Variants in RBFOX1 observed in about 807,000 individuals in gnomAD.
RBFOX1 encodes the protein RNA binding protein fox-1 homolog 1.
In RBFOX1, 8 loss-of-function variants were observed where a neutral mutation model predicts 57.7. That is an observed-to-expected ratio of 0.14 (90% CI 0.08 to 0.25). The LOEUF is 0.25. RBFOX1 is among the 10% of genes least tolerant of loss of function. The pLI is 1.00. For synonymous variants in RBFOX1, 326 were observed against 222.4 expected, an observed-to-expected ratio of 1.47 and a Z score of -4.15; for missense variants, 611 against 548.5, an observed-to-expected ratio of 1.11 and a Z score of -1.14.
At chr16:7,649,208 A>T (rs2064409805) in intron 11 of RBFOX1, among the ~76,000 whole-genome samples, 2 of 152,190 alleles carry the variant, frequency 1.3e-5, no homozygotes, top group African/African-American at 4.8e-5. Context: ...ATACTTGTTT[A>T]TATAGGATAA....
chr16:5,644,928 A>G (rs901718716), intron 3 of RBFOX1, among the ~76,000 whole-genome samples: 2 of 152,158 alleles, frequency 1.3e-5, no homozygotes, highest in Non-Finnish European at 2.9e-5. Flanking sequence ...ACGCTCGCAC[A>G]TGCCATGGCA....
chr16:7,254,967 A>T (rs891889187), intron 4 of RBFOX1, among the ~76,000 whole-genome samples: 9 of 152,156 alleles, frequency 5.9e-5, no homozygotes, highest in African/African-American at 2.2e-4. Flanking sequence ...GTTAATAAGA[A>T]GGTGTTTTCC....
intron 5 of RBFOX1, among the ~76,000 whole-genome samples, chr16:7,577,863 C>G (rs987937537): frequency 6.6e-6 from 1 of 152,200 alleles, no homozygotes; most frequent in Non-Finnish European, 1.5e-5. Context: ...CCATGGCATT[C>G]CAGCCTGAGT....
intron 3 of RBFOX1, among the ~76,000 whole-genome samples, chr16:6,658,363 C>A (rs2098675886): frequency 6.6e-6 from 1 of 151,886 alleles, no homozygotes; most frequent in Non-Finnish European, 1.5e-5. Context: ...GCCTCAGCCT[C>A]CTGCCTGGCT....
chr16:6,907,508 C>G (rs529071389), intron 3 of RBFOX1, among the ~76,000 whole-genome samples: 277 of 152,272 alleles, frequency 1.8e-3, no homozygotes, highest in Middle Eastern at 0.014. Context: ...GTGGTTCCTT[C>G]TGAAAACTGG....
chr16:5,760,260 C>T (rs1334126461), intron 3 of RBFOX1, among the ~76,000 whole-genome samples: 2 of 152,040 alleles, frequency 1.3e-5, no homozygotes, highest in Non-Finnish European at 2.9e-5. Flanking sequence ...AGTTGGTTGC[C>T]TTAGGCACTA....
At chr16:5,249,932 G>A (rs868551569) in intron 1 of RBFOX1, among the ~76,000 whole-genome samples, 2 of 151,754 alleles carry the variant, frequency 1.3e-5, no homozygotes, top group African/African-American at 4.8e-5. Flanking sequence ...GGAGGAGGTT[G>A]CAGTGAGGAG....
At chr16:6,364,252 C>G (rs1193779981) in intron 2 of RBFOX1, among the ~76,000 whole-genome samples, 3 of 152,184 alleles carry the variant, frequency 2.0e-5, no homozygotes, top group Non-Finnish European at 4.4e-5. Flanking sequence ...CAGTATAAAG[C>G]CCTTTACCTG....
intron 2 of RBFOX1, among the ~76,000 whole-genome samples, chr16:5,506,211 C>T (rs1567172805): frequency 6.6e-6 from 1 of 151,976 alleles, no homozygotes; most frequent in East Asian, 1.9e-4. Context: ...TCCCAGTGTC[C>T]TCCCACCTCT....
intron 2 of RBFOX1, among the ~76,000 whole-genome samples, chr16:6,613,792 G>T (rs1296203747): frequency 1.3e-5 from 2 of 152,250 alleles, no homozygotes; most frequent in African/African-American, 4.8e-5. Flanking sequence ...TAAAAAATTA[G>T]CCGGGTGTGG....
chr16:7,694,332 A>AAAAG (rs2078122325), intron 14 of RBFOX1, among the ~76,000 whole-genome samples: 1 of 152,208 alleles, frequency 6.6e-6, no homozygotes, highest in African/African-American at 2.4e-5. Flanking sequence ...CTGCAGTAAA[A>AAAAG]AAAGGCTTAT....
chr16:5,413,314 T>C (rs1222953758), intron 1 of RBFOX1, among the ~76,000 whole-genome samples: 7 of 152,202 alleles, frequency 4.6e-5, no homozygotes, highest in Non-Finnish European at 7.3e-5. Flanking sequence ...TTTTTCTTTC[T>C]TTCGTTTCCC....
intron 3 of RBFOX1, among the ~76,000 whole-genome samples, chr16:7,016,064 A>G (rs903935065): frequency 6.6e-6 from 1 of 152,240 alleles, no homozygotes; most frequent in East Asian, 1.9e-4. Context: ...GTTAAGTGAG[A>G]CCATAAGGCT....
chr16:6,966,441 A>T (rs1218099736), intron 3 of RBFOX1, among the ~76,000 whole-genome samples: 2 of 152,032 alleles, frequency 1.3e-5, no homozygotes, highest in East Asian at 3.9e-4. Flanking sequence ...TCCCTGGGCG[A>T]GGTGGAGGGG....
chr16:5,590,979 G>A (rs569000035), intron 2 of RBFOX1, among the ~76,000 whole-genome samples: 1 of 151,766 alleles, frequency 6.6e-6, no homozygotes, highest in African/African-American at 2.4e-5. Context: ...CGTCCAAAGC[G>A]ACCCCAAATT....
chr16:5,760,906 A>G (rs1330295507), intron 3 of RBFOX1, among the ~76,000 whole-genome samples: 1 of 152,196 alleles, frequency 6.6e-6, no homozygotes, highest in Non-Finnish European at 1.5e-5. Flanking sequence ...TTGGAACTAG[A>G]TAAGAGAGGT....
At chr16:6,165,866 G>A (rs1379539361) in intron 1 of RBFOX1, among the ~76,000 whole-genome samples, 1 of 152,148 alleles carries the variant, frequency 6.6e-6, no homozygotes, top group African/African-American at 2.4e-5. Flanking sequence ...AAAAGGAGAG[G>A]CAAATGGTAA....
chr16:7,436,161 C>G (rs1052489161), intron 4 of RBFOX1, among the ~76,000 whole-genome samples: 1 of 152,172 alleles, frequency 6.6e-6, no homozygotes, highest in Non-Finnish European at 1.5e-5. Context: ...TCACATTCCT[C>G]TCTTTTGACC....
At chr16:6,690,276 G>A (rs1055214080) in intron 3 of RBFOX1, among the ~76,000 whole-genome samples, 1 of 152,098 alleles carries the variant, frequency 6.6e-6, no homozygotes, top group South Asian at 2.1e-4. Flanking sequence ...ATACTAGGAT[G>A]TGGAGAAACA....
Sources: gnomAD v4.1 joint callset for allele counts (sites outside exome capture counted in the v4.1 genomes callset) on GRCh38, gnomAD v4.1.1 for gene constraint, MANE v1.5 for transcripts, NCBI Gene and HGNC (gene_info 2026-07-23, HGNC 2026-07-21) for gene names.